Variants in MAGI2 observed in about 807,000 individuals in gnomAD.
MAGI2 encodes the protein membrane associated guanylate kinase, WW and PDZ domain containing 2.
MAGI2 carries 35 observed loss-of-function variants against 133.3 expected under a neutral mutation model. The ratio of observed to expected loss-of-function variants is 0.26; its 90% CI spans 0.20 to 0.35. The LOEUF (loss-of-function observed/expected upper bound fraction) is 0.35, where lower values mean the gene tolerates loss of function less well. MAGI2 is among the 10% of genes least tolerant of loss of function. The probability of loss-of-function intolerance (pLI) is 1.00; values close to 1 mark genes in which losing one functional copy is unlikely to be tolerated. For synonymous variants in MAGI2, 729 were observed against 710.6 expected (o/e 1.03, Z -0.41); for missense variants, 1,636 against 1,863.4 (o/e 0.88, Z 2.25).
At chr7:79,306,114 C>T (rs973013783) in intron 1 of MAGI2, among the ~76,000 whole-genome samples, 3 of 149,522 alleles carry the variant, frequency 2.0e-5, no homozygotes, top group African/African-American at 4.9e-5. Context: ...TCAAGAGATC[C>T]TTTCACTTCA....
At chr7:78,189,933 T>G (rs967309643) in intron 12 of MAGI2, among the ~76,000 whole-genome samples, 1 of 152,322 alleles carries the variant, frequency 6.6e-6, no homozygotes, top group African/African-American at 2.4e-5. Context: ...GTGAGCAACA[T>G]TCATTTTCTT....
At chr7:79,313,855 T>C (rs990396862) in intron 1 of MAGI2, among the ~76,000 whole-genome samples, 1 of 151,544 alleles carries the variant, frequency 6.6e-6, no homozygotes, top group East Asian at 1.9e-4. Flanking sequence ...CAGGCTGGAA[T>C]GCAGTGGCCC....
Position 79,167,780 on chromosome 7 carries a change from G to A in MAGI2, c.302-160574C>T, listed in dbSNP as rs1037703442. Among the ~76,000 whole-genome samples the A allele has an allele frequency of 1.3e-5, 2 of 151,950 alleles. 1 individual carries two copies. The highest frequency in any genetic ancestry group is 4.1e-4 in the South Asian group (2 of 4,828). The stretch of plus-strand genomic sequence containing the variant: ...TTTATGCCCACCACTGTTGGGAACA[G>A]TCCCCCCAAAATCTGGCCATAAACT... On this transcript the variant is annotated intron_variant, in intron 1 of 21. Coordinates refer to ENST00000354212, the MANE Select transcript of MAGI2 (RefSeq NM_012301.4).
At chr7:78,202,847 C>T (rs1474629219) in intron 10 of MAGI2, among the ~76,000 whole-genome samples, 1 of 152,086 alleles carries the variant, frequency 6.6e-6, no homozygotes, top group Non-Finnish European at 1.5e-5. Flanking sequence ...TTCACTATTT[C>T]TCTTTCCAAT....
At chr7:78,610,199 T>A (rs1343785343) in intron 3 of MAGI2, among the ~76,000 whole-genome samples, 1 of 152,208 alleles carries the variant, frequency 6.6e-6, no homozygotes, top group Admixed American at 6.5e-5. Context: ...CAAAGTATTG[T>A]CACCTAGTTG....
At chr7:78,514,739 C>T (rs1409057973) in intron 4 of MAGI2, among the ~76,000 whole-genome samples, 2 of 152,188 alleles carry the variant, frequency 1.3e-5, no homozygotes, top group Non-Finnish European at 2.9e-5. Flanking sequence ...GTCTCATTCA[C>T]AGAACCAGGA....
intron 1 of MAGI2, among the ~76,000 whole-genome samples, chr7:79,330,180 CTTTTTTTTTTTTT>C (rs544172383): frequency 6.8e-5 from 4 of 59,156 alleles, no homozygotes; most frequent in East Asian, 6.0e-4. Context: ...CAATCTGCAT[CTTTTTTTTTTTTT>C]TTTTTTTTTT....
At chr7:78,663,832 T>C (rs928026112) in intron 2 of MAGI2, among the ~76,000 whole-genome samples, 2 of 152,216 alleles carry the variant, frequency 1.3e-5, no homozygotes, top group African/African-American at 4.8e-5. Flanking sequence ...ATTTAAATCT[T>C]CCTAGGTGTC....
intron 1 of MAGI2, among the ~76,000 whole-genome samples, chr7:79,090,884 A>C (rs1190063794): frequency 6.6e-6 from 1 of 152,074 alleles, no homozygotes; most frequent in African/African-American, 2.4e-5. Flanking sequence ...CATCCCTCAC[A>C]CTATGACCAC....
intron 2 of MAGI2, among the ~76,000 whole-genome samples, chr7:78,764,706 A>T (rs922968898): frequency 1.3e-5 from 2 of 152,218 alleles, no homozygotes; most frequent in Non-Finnish European, 2.9e-5. Context: ...GTTCTTGATC[A>T]TAGGCTCTTA....
chr7:79,404,934 G>T (rs539376402), intron 1 of MAGI2, among the ~76,000 whole-genome samples: 5 of 152,152 alleles, frequency 3.3e-5, no homozygotes, highest in Admixed American at 2.0e-4. Flanking sequence ...GAGATCTTTA[G>T]TATGGTTGGA....
chr7:79,276,910 G>A (rs1835268488), intron 1 of MAGI2, among the ~76,000 whole-genome samples: 1 of 152,014 alleles, frequency 6.6e-6, no homozygotes, highest in Non-Finnish European at 1.5e-5. Flanking sequence ...GTTGCAGTGA[G>A]CTGGGATTGC....
At chr7:79,122,730 C>T (rs886243451) in intron 1 of MAGI2, among the ~76,000 whole-genome samples, 4 of 151,540 alleles carry the variant, frequency 2.6e-5, no homozygotes, top group Admixed American at 1.3e-4. Context: ...CTGCAACCTC[C>T]GCCTCCTGAG....
At chr7:79,131,899 G>A (rs1820971266) in intron 1 of MAGI2, among the ~76,000 whole-genome samples, 1 of 151,920 alleles carries the variant, frequency 6.6e-6, no homozygotes, top group Admixed American at 6.6e-5. Flanking sequence ...TTGATTACAG[G>A]TCTCTAGTGC....
rs544179672 is a variant in MAGI2, at chr7:78,214,019, G to A, written c.2048-12826C>T. Reference sequence around the variant, plus strand: ...GATTGCTGTTGAGTTGGAATAAAACGTGAGACCTACTGCTCCATAATTGGA... The same window carrying A: ...GATTGCTGTTGAGTTGGAATAAAACATGAGACCTACTGCTCCATAATTGGA... On this transcript the variant is annotated intron_variant, in intron 10 of 21. Transcript: ENST00000354212. Among the ~76,000 whole-genome samples the A allele has an allele frequency of 2.0e-3, 304 of 152,132 alleles. 2 individuals are homozygous for A. The highest frequency in any genetic ancestry group is 1.5e-3 in the Non-Finnish European group (105 of 68,028).
chr7:78,368,897 A>G (rs1793647846), intron 7 of MAGI2, among the ~76,000 whole-genome samples: 1 of 152,156 alleles, frequency 6.6e-6, no homozygotes, highest in Admixed American at 6.5e-5. Context: ...ATCTTTAATT[A>G]TCACTCATTT....
intron 1 of MAGI2, among the ~76,000 whole-genome samples, chr7:79,101,772 A>G (rs974986443): frequency 6.6e-6 from 1 of 151,314 alleles, no homozygotes; most frequent in Non-Finnish European, 1.5e-5. Flanking sequence ...GACTAATGTT[A>G]AACACAGGCT....
chr7:78,212,683 T>C (rs953108231), intron 10 of MAGI2, among the ~76,000 whole-genome samples: 3 of 152,186 alleles, frequency 2.0e-5, no homozygotes, highest in Admixed American at 6.5e-5. Flanking sequence ...CAAATCCATA[T>C]AGCTGGCATC....
At chr7:78,911,020 C>G (rs1326364403) in intron 2 of MAGI2, among the ~76,000 whole-genome samples, 1 of 152,208 alleles carries the variant, frequency 6.6e-6, no homozygotes, top group Non-Finnish European at 1.5e-5. Flanking sequence ...TCAAAAGTAA[C>G]TCCCCTTCCA....
Sources: allele counts gnomAD v4.1 joint callset (sites outside exome capture counted in the v4.1 genomes callset), GRCh38; gene constraint gnomAD v4.1.1; transcripts MANE v1.5; gene names NCBI Gene and HGNC (gene_info 2026-07-23, HGNC 2026-07-21).